SCARA5: variants seen among roughly 807,000 people sequenced by gnomAD.
The protein encoded by SCARA5 is scavenger receptor class A, member 5 (putative).
Under a neutral mutation model 46.3 loss-of-function variants are expected in SCARA5, and 45 were observed. That is an observed-to-expected ratio of 0.97 (90% CI 0.76 to 1.24). The LOEUF (loss-of-function observed/expected upper bound fraction) is 1.24, where lower values mean the gene tolerates loss of function less well. Ranked by LOEUF, SCARA5 falls within the 50% of genes most tolerant of loss-of-function variation. SCARA5 has a pLI of 0.00. For synonymous variants in SCARA5, 333 were observed against 306.5 expected, an observed-to-expected ratio of 1.09 and a Z score of -0.90; for missense variants, 680 against 689.0, an observed-to-expected ratio of 0.99 and a Z score of 0.15.
chr8:27,923,598 T>A (rs533169032), intron 3 of SCARA5, among the ~76,000 whole-genome samples: 1 of 152,176 alleles, frequency 6.6e-6, no homozygotes, highest in Non-Finnish European at 1.5e-5. Context: ...TGAGACAGAG[T>A]CTCACTCTGT....
chr8:27,921,803 G>A lies in SCARA5; in HGVS notation c.684C>T (p.Arg228=), dbSNP rs745901771. 1.2e-5 allele frequency: 19 copies of A among 1,558,838 alleles called. No homozygotes were observed. Among genetic ancestry groups the A allele is most frequent in the South Asian group, 2.3e-5 (2 of 85,272 alleles). The change falls in exon 4 of 9, where the codon CGC becomes CGT. Residue 228 remains arginine (R), a synonymous_variant. Transcript: ENST00000354914. The part of the protein sequence containing the change: ...EELADVGGVL[R]GLNHSLSYDV... ...CGTAGGACAGGCTGTGGTTGAGGCC[G>A]CGCAGCACGCCGCCCACGTCGGCCA...
chr8:27,971,702 G>A (rs1045010764), intron 2 of SCARA5, among the ~76,000 whole-genome samples: 1 of 152,150 alleles, frequency 6.6e-6, no homozygotes, highest in Admixed American at 6.5e-5. Flanking sequence ...TCTAGAGAGG[G>A]CAAGGCCAGT....
chr8:27,978,029 T>G lies in SCARA5; in HGVS notation c.112+9475A>C, dbSNP rs1398050399. ...GTTAGTTTCTTGTGTCTTTTGTTTT[T>G]TTTTTTTTTTTTTTTGAGACGGAGT... On this transcript the variant is annotated intron_variant, in intron 2 of 8. Transcript: ENST00000354914. Among the ~76,000 whole-genome samples the G allele has an allele frequency of 2.8e-5, 4 of 144,986 alleles. No individual in the cohort carries two copies. The East Asian group carries it at 7.8e-4, about 28-fold the overall frequency.
In SCARA5 at chr8:27,871,679, T is replaced by G; in HGVS notation, c.*255A>C. The stretch of plus-strand genomic sequence containing the variant: ...GAGGCTGGGCAAAGTGGTGATCCAG[T>G]TGATCAGGGCTCCTCATGCAGGAAC... On this transcript the variant is annotated 3_prime_UTR_variant, in exon 9 of 9. Coordinates refer to ENST00000354914, the MANE Select transcript of SCARA5 (RefSeq NM_173833.6). The G allele has an allele frequency of 7.3e-7, 1 of 1,362,310 alleles. No individual in the cohort carries two copies. The highest frequency in any genetic ancestry group is 2.8e-5 in the East Asian group (1 of 35,226). 84.4% of individuals were successfully genotyped at this position (1,362,310 alleles called of 1,614,324 possible).
intron 3 of SCARA5, among the ~76,000 whole-genome samples, chr8:27,965,812 T>C (rs370181606): frequency 6.6e-6 from 1 of 152,232 alleles, no homozygotes; most frequent in East Asian, 1.9e-4. Context: ...CTATAGATGA[T>C]GAGCTGGGCT....
At chr8:27,979,885 A>G (rs977134628) in intron 2 of SCARA5, among the ~76,000 whole-genome samples, 22 of 152,066 alleles carry the variant, frequency 1.4e-4, no homozygotes, top group Admixed American at 4.6e-4. Flanking sequence ...TTTAAGCACC[A>G]CACAAAGCCA....
intron 7 of SCARA5, among the ~76,000 whole-genome samples, chr8:27,897,273 A>G (rs1327319354): frequency 6.6e-6 from 1 of 151,860 alleles, no homozygotes; most frequent in Non-Finnish European, 1.5e-5. Context: ...GCTCCCGGGG[A>G]CCTCCCGGAC....
chr8:27,939,824 T>TG lies in SCARA5; in HGVS notation c.242-17580dup, dbSNP rs202180700. Reference sequence around the variant, plus strand: ...ACAGATGAAGCTTAGAGAGATCAGGTGGCTTACTCAAGATAACACTGCTAG... The same window carrying TG: ...ACAGATGAAGCTTAGAGAGATCAGGTGGGCTTACTCAAGATAACACTGCTAG... On this transcript the variant is annotated intron_variant, in intron 3 of 8. Transcript: ENST00000354914. 2.8e-4 allele frequency among the ~76,000 whole-genome samples: 42 copies of TG among 152,312 alleles called. 1 individual carries two copies. In the East Asian group the frequency reaches 8.1e-3, roughly 29 times the overall value.
intron 3 of SCARA5, among the ~76,000 whole-genome samples, chr8:27,961,660 C>A (rs994441988): frequency 6.6e-6 from 1 of 152,194 alleles, no homozygotes; most frequent in Non-Finnish European, 1.5e-5. Flanking sequence ...CTCAGACAGG[C>A]TGGCTCCAAA....
intron 4 of SCARA5, among the ~76,000 whole-genome samples, chr8:27,912,503 C>T (rs896812336): frequency 6.6e-6 from 1 of 152,230 alleles, no homozygotes; most frequent in Non-Finnish European, 1.5e-5. Context: ...TGGAAACAGA[C>T]CAAAGATGGC....
At chr8:27,911,830 A>C (rs960387016) in intron 4 of SCARA5, among the ~76,000 whole-genome samples, 1 of 152,204 alleles carries the variant, frequency 6.6e-6, no homozygotes, top group Non-Finnish European at 1.5e-5. Flanking sequence ...TTGCAGACAT[A>C]ATTAGTTAAG....
At chr8:27,954,461 A>C (rs1384429784) in intron 3 of SCARA5, among the ~76,000 whole-genome samples, 1 of 152,234 alleles carries the variant, frequency 6.6e-6, no homozygotes, top group African/African-American at 2.4e-5. Context: ...CAGCATTCAC[A>C]GTGTATACAC....
intron 2 of SCARA5, among the ~76,000 whole-genome samples, chr8:27,977,756 C>T (rs186872382): frequency 2.3e-4 from 35 of 152,362 alleles, no homozygotes; most frequent in African/African-American, 8.2e-4. Flanking sequence ...TCCTGATCCC[C>T]GGGTATCACT....
intron 3 of SCARA5, among the ~76,000 whole-genome samples, chr8:27,941,842 T>TATTATTATTA (rs60315647): frequency 1.4e-5 from 2 of 147,402 alleles, no homozygotes; most frequent in Admixed American, 1.4e-4. Flanking sequence ...TTATTATTAT[T>TATTATTATTA]TTGAGGCAGA....
chr8:27,879,754 G>A lies in SCARA5; in HGVS notation c.1166C>T (p.Ala389Val), dbSNP rs1268683536. 3.7e-6 allele frequency: 6 copies of A among 1,612,704 alleles called. No homozygotes were observed. Among genetic ancestry groups the A allele is most frequent in the Non-Finnish European group, 5.1e-6 (6 of 1,180,012 alleles). ...ATTCACCAGGCGGATCATCATCGGG[G>A]CCTCCACGCCACCTGCCGGAGCAGC... ...DRAGDASGVE[A>V]PMMIRLVNGS... The change falls in exon 8 of 9, where the codon GCC becomes GTC. Residue 389 changes from alanine (A) to valine (V), a missense_variant. Transcript: ENST00000354914.
rs780239377 is a variant in SCARA5, at chr8:27,921,871, G to A, written c.616C>T (p.Leu206=). Residue 206 remains leucine (L), a synonymous_variant, in exon 4 of 9, where the codon CTG becomes TTG. Transcript: ENST00000354914. ...CCCACCCTGCGCGCCAGCCCGTCCAGCAGGCCCGCGTGGCGCCTCAGCAGC... is the reference window on the plus strand; with the variant it reads ...CCCACCCTGCGCGCCAGCCCGTCCAACAGGCCCGCGTGGCGCCTCAGCAGC... ...QLLLRRHAGL[L]DGLARRVGIL... The A allele has an allele frequency of 8.6e-6, 13 of 1,504,472 alleles. No individual in the cohort carries two copies. The East Asian group carries it at 3.2e-4, about 38-fold the overall frequency. The allele number at this position is 1,504,472 out of a possible 1,614,324, so 93.2% of individuals were successfully genotyped here.
In SCARA5 at chr8:27,966,450, C is replaced by CCAG; in HGVS notation, c.202_204dup (p.Leu68dup). 1 of 1,613,446 alleles carries CCAG rather than the reference C, an allele frequency of 6.2e-7. No homozygotes were observed. Among genetic ancestry groups the CCAG allele is most frequent in the Non-Finnish European group, 8.5e-7 (1 of 1,179,762 alleles). On this transcript the variant is annotated inframe_insertion, in exon 3 of 9. Coordinates refer to ENST00000354914, the MANE Select transcript of SCARA5 (RefSeq NM_173833.6). ...AAGATGCCCACAAGAATCAGGAAGA[C>CCAG]CAGCAGGTAGAGCCCCAGGACAGCA...
At chr8:27,927,506 T>A (rs1807700311) in intron 3 of SCARA5, among the ~76,000 whole-genome samples, 1 of 151,920 alleles carries the variant, frequency 6.6e-6, no homozygotes, top group African/African-American at 2.4e-5. Context: ...TTTTCCCACC[T>A]AATATTATTA....
At chr8:27,909,537 A>G (rs1807334964) in intron 5 of SCARA5, 126 bp downstream of exon 5, 5 of 634,124 alleles carry the variant, frequency 7.9e-6, no homozygotes, top group Non-Finnish European at 1.4e-5. Context: ...GTTGGAACAG[A>G]GCGTTTGAGG....
Sources: allele counts gnomAD v4.1 joint callset (sites outside exome capture counted in the v4.1 genomes callset), GRCh38; gene constraint gnomAD v4.1.1; transcripts MANE v1.5; gene names NCBI Gene and HGNC (gene_info 2026-07-23, HGNC 2026-07-21).